ALG14: variants seen among roughly 807,000 people sequenced by gnomAD.
ALG14 encodes ALG14 UDP-N-acetylglucosaminyltransferase subunit, also known as UDP-N-acetylglucosamine transferase subunit ALG14.
ALG14 carries 17 observed loss-of-function variants against 22.8 expected under a neutral mutation model. The observed-to-expected ratio is 0.75, with a 90% CI of 0.51 to 1.12. The LOEUF (loss-of-function observed/expected upper bound fraction) is 1.12. Ranked by LOEUF, ALG14 falls within the 50% of genes most tolerant of loss-of-function variation. ALG14 has a pLI of 0.00. For synonymous variants in ALG14, 89 were observed against 103.7 expected (o/e 0.86, Z 0.86); for missense variants, 288 against 271.8 (o/e 1.06, Z -0.42).
intron 2 of ALG14, among the ~76,000 whole-genome samples, chr1:95,046,245 G>A (rs1268060679): frequency 6.6e-6 from 1 of 152,188 alleles, no homozygotes; most frequent in Non-Finnish European, 1.5e-5. Context: ...ATCAGGCTGT[G>A]AATCAGTAGC....
At chr1:95,031,521 G>T (rs1391164134) in intron 2 of ALG14, among the ~76,000 whole-genome samples, 1 of 152,122 alleles carries the variant, frequency 6.6e-6, no homozygotes, top group Non-Finnish European at 1.5e-5. Flanking sequence ...GTAAGTTCAG[G>T]TAACTGAAAA....
intron 3 of ALG14, among the ~76,000 whole-genome samples, chr1:94,985,197 A>G (rs966475236): frequency 1.0e-5 from 1 of 96,654 alleles, no homozygotes; most frequent in African/African-American, 5.9e-5. Flanking sequence ...GGGTTCTATA[A>G]CTCTACAATT....
intron 2 of ALG14, chr1:95,061,497 G>C (rs920359872): frequency 2.0e-5 from 3 of 152,054 alleles, no homozygotes; most frequent in Non-Finnish European, 2.9e-5. Context: ...GAGAGAGAGA[G>C]AGAGTGTGCG....
At chr1:95,039,760 G>A (rs1157627360) in intron 2 of ALG14, among the ~76,000 whole-genome samples, 3 of 152,184 alleles carry the variant, frequency 2.0e-5, no homozygotes, top group Non-Finnish European at 4.4e-5. Context: ...AGACAACTGG[G>A]AATCTAGGAA....
rs113601264 is a variant in ALG14, at chr1:95,020,738, C to CAA, written c.420+6389_420+6390dup. Among the ~76,000 whole-genome samples the CAA allele has an allele frequency of 3.6e-3, 499 of 137,506 alleles. 15 individuals carry two copies. The East Asian group carries it at 0.064, about 18-fold the overall frequency. 90.2% of individuals were successfully genotyped at this position (137,506 alleles called of 152,430 possible). A position where few individuals can be genotyped will look rare whatever the true frequency, so the allele number is the denominator to read the frequency against. On this transcript the variant is annotated intron_variant, in intron 3 of 3. Coordinates refer to ENST00000370205, the MANE Select transcript of ALG14 (RefSeq NM_144988.4). ...GGGCAACAAGAGCAAAACTCCGTCTCAAAAAAAAAAAACAAAACAAAAAAC... is the reference window on the plus strand; with the variant it reads ...GGGCAACAAGAGCAAAACTCCGTCTCAAAAAAAAAAAAAACAAAACAAAAAAC...
intron 1 of ALG14, among the ~76,000 whole-genome samples, chr1:95,065,498 G>C (rs1277487569): frequency 6.6e-6 from 1 of 152,192 alleles, no homozygotes; most frequent in Non-Finnish European, 1.5e-5. Context: ...AGGCCACTGG[G>C]TGGAGATGGG....
intron 3 of ALG14, among the ~76,000 whole-genome samples, chr1:95,006,224 T>C (rs1673215074): frequency 6.6e-6 from 1 of 152,252 alleles, no homozygotes; most frequent in African/African-American, 2.4e-5. Flanking sequence ...TGGTTTGTCA[T>C]GCCTGGGTAT....
intron 3 of ALG14, among the ~76,000 whole-genome samples, chr1:95,011,787 A>T (rs1673371050): frequency 1.3e-5 from 2 of 152,234 alleles, no homozygotes. Context: ...AGAGACTTCC[A>T]TATAGAACAG....
At chr1:95,020,348 A>G (rs1244586466) in intron 3 of ALG14, among the ~76,000 whole-genome samples, 1 of 152,200 alleles carries the variant, frequency 6.6e-6, no homozygotes, top group Non-Finnish European at 1.5e-5. Flanking sequence ...AGGAATTAGA[A>G]AGACCATGAA....
chr1:95,005,736 T>C (rs897910371), intron 3 of ALG14, among the ~76,000 whole-genome samples: 1 of 152,180 alleles, frequency 6.6e-6, no homozygotes, highest in Non-Finnish European at 1.5e-5. Context: ...TGGTTCTTCA[T>C]GGAGCAGTAG....
At chr1:95,051,658 A>G (rs993751974) in intron 2 of ALG14, among the ~76,000 whole-genome samples, 4 of 151,990 alleles carry the variant, frequency 2.6e-5, no homozygotes, top group Non-Finnish European at 5.9e-5. Context: ...CTCAGATCCT[A>G]CTCGCCTGCT....
intron 2 of ALG14, among the ~76,000 whole-genome samples, chr1:95,054,941 T>C (rs1282967267): frequency 1.3e-5 from 2 of 152,230 alleles, no homozygotes; most frequent in Non-Finnish European, 2.9e-5. Flanking sequence ...AATCTAGCAA[T>C]GTATTAAAAT....
At chr1:95,032,358 A>C (rs1674036342) in intron 2 of ALG14, among the ~76,000 whole-genome samples, 1 of 152,182 alleles carries the variant, frequency 6.6e-6, no homozygotes, top group African/African-American at 2.4e-5. Context: ...AATGGGTTGA[A>C]CTGAATGGAA....
intron 3 of ALG14, among the ~76,000 whole-genome samples, chr1:95,019,849 G>A (rs763364175): frequency 6.6e-6 from 1 of 152,070 alleles, no homozygotes; most frequent in African/African-American, 2.4e-5. Context: ...GCATAGTGGT[G>A]CATGCCTGTA....
chr1:95,014,776 C>T (rs1673456647), intron 3 of ALG14, among the ~76,000 whole-genome samples: 1 of 151,940 alleles, frequency 6.6e-6, no homozygotes. Context: ...ATAGCTTTGA[C>T]AAGTAGGTTT....
intron 2 of ALG14, among the ~76,000 whole-genome samples, chr1:95,044,972 C>T (rs1446214272): frequency 6.6e-6 from 1 of 152,010 alleles, no homozygotes; most frequent in Non-Finnish European, 1.5e-5. Flanking sequence ...CAGGAACATG[C>T]TTCTGTATTT....
intron 2 of ALG14, among the ~76,000 whole-genome samples, chr1:95,038,252 C>A (rs760777451): frequency 6.6e-6 from 1 of 152,152 alleles, no homozygotes; most frequent in African/African-American, 2.4e-5. Flanking sequence ...CTTTGGGAGG[C>A]CGAGGTGTTT....
intron 2 of ALG14, among the ~76,000 whole-genome samples, chr1:95,041,890 A>G (rs1176192779): frequency 6.6e-6 from 1 of 152,080 alleles, no homozygotes; most frequent in East Asian, 1.9e-4. Context: ...ATGCAAAACC[A>G]AAAAAAGAAT....
intron 3 of ALG14, among the ~76,000 whole-genome samples, chr1:95,019,863 C>T (rs1406272949): frequency 6.6e-6 from 1 of 152,018 alleles, no homozygotes; most frequent in Non-Finnish European, 1.5e-5. Context: ...GCCTGTAATC[C>T]CAGCAATAAG....
Sources: allele counts gnomAD v4.1 joint callset (sites outside exome capture counted in the v4.1 genomes callset), GRCh38; gene constraint gnomAD v4.1.1; transcripts MANE v1.5; gene names NCBI Gene and HGNC (gene_info 2026-07-23, HGNC 2026-07-21).